The following PTPRD variants were observed in gnomAD, a reference collection of about 807,000 sequenced individuals.
PTPRD encodes the protein receptor-type tyrosine-protein phosphatase delta.
Under a neutral mutation model 214.5 loss-of-function variants are expected in PTPRD, and 34 were observed. The ratio of observed to expected loss-of-function variants is 0.16; its 90% CI spans 0.12 to 0.21. PTPRD has a LOEUF of 0.21. PTPRD is among the 10% of genes least tolerant of loss of function. The pLI is 1.00. For missense variants in PTPRD, 2,545 were observed against 2,398.7 expected, an observed-to-expected ratio of 1.06 and a Z score of -1.27; for synonymous variants, 1,128 against 845.7, an observed-to-expected ratio of 1.33 and a Z score of -5.79.
intron 12 of PTPRD, among the ~76,000 whole-genome samples, chr9:8,726,049 AC>A (rs2098553933): frequency 6.6e-6 from 1 of 152,016 alleles, no homozygotes; most frequent in African/African-American, 2.4e-5. Context: ...ACACACACAC[AC>A]ACACACACAC....
At chr9:8,981,131 T>C (rs1173886800) in intron 11 of PTPRD, among the ~76,000 whole-genome samples, 1 of 152,092 alleles carries the variant, frequency 6.6e-6, no homozygotes, top group East Asian at 1.9e-4. Flanking sequence ...GATCTAATAT[T>C]GGGGTTATTT....
chr9:10,501,992 T>A (rs1379288454), intron 2 of PTPRD, among the ~76,000 whole-genome samples: 2 of 151,942 alleles, frequency 1.3e-5, no homozygotes. Context: ...CAGGAGATTC[T>A]AGTGTACAGA....
At chr9:10,522,250 C>T (rs1409825043) in intron 2 of PTPRD, among the ~76,000 whole-genome samples, 3 of 152,076 alleles carry the variant, frequency 2.0e-5, no homozygotes, top group Admixed American at 6.6e-5. Flanking sequence ...TAAACTAATG[C>T]CAGGGCCAAT....
At chr9:8,793,377 C>A (rs2154513354) in intron 11 of PTPRD, among the ~76,000 whole-genome samples, 1 of 152,292 alleles carries the variant, frequency 6.6e-6, no homozygotes, top group African/African-American at 2.4e-5. Context: ...AACAAACTTC[C>A]ATCTTGGAAA....
chr9:8,975,189 G>C (rs1789662160), intron 11 of PTPRD, among the ~76,000 whole-genome samples: 1 of 151,130 alleles, frequency 6.6e-6, no homozygotes. Context: ...ATATATTCTT[G>C]TGTGTAAATA....
At chr9:10,602,297 T>A (rs2078181947) in intron 2 of PTPRD, among the ~76,000 whole-genome samples, 1 of 151,858 alleles carries the variant, frequency 6.6e-6, no homozygotes, top group Non-Finnish European at 1.5e-5. Context: ...TAATTTCATA[T>A]AACAAAGACG....
chr9:9,888,750 T>C (rs2071989019), intron 5 of PTPRD, among the ~76,000 whole-genome samples: 1 of 152,086 alleles, frequency 6.6e-6, no homozygotes, highest in Non-Finnish European at 1.5e-5. Context: ...CTCTTTTCTT[T>C]GTAAATTGCC....
chr9:8,332,215 G>A (rs912087821), intron 43 of PTPRD, among the ~76,000 whole-genome samples: 2 of 152,108 alleles, frequency 1.3e-5, no homozygotes, highest in Non-Finnish European at 2.9e-5. Context: ...AGCTTTTGCA[G>A]TTGTCGCAAT....
chr9:9,973,555 C>T (rs1305493916), intron 4 of PTPRD, among the ~76,000 whole-genome samples: 1 of 152,028 alleles, frequency 6.6e-6, no homozygotes, highest in Non-Finnish European at 1.5e-5. Flanking sequence ...GCCTTAATTC[C>T]TCACTCACTT....
At chr9:9,529,809 T>C (rs1347164243) in intron 8 of PTPRD, among the ~76,000 whole-genome samples, 1 of 151,666 alleles carries the variant, frequency 6.6e-6, no homozygotes, top group East Asian at 1.9e-4. Context: ...TAAATATATT[T>C]ACATGCAAAC....
intron 8 of PTPRD, among the ~76,000 whole-genome samples, chr9:9,480,681 T>A (rs1034695357): frequency 2.0e-5 from 3 of 152,166 alleles, no homozygotes; most frequent in African/African-American, 7.2e-5. Flanking sequence ...ATATATACCA[T>A]ATATTTTTTA....
chr9:9,963,354 G>A (rs1416285863), intron 4 of PTPRD, among the ~76,000 whole-genome samples: 2 of 152,130 alleles, frequency 1.3e-5, no homozygotes, highest in Non-Finnish European at 2.9e-5. Flanking sequence ...CCCATTAACA[G>A]CAATGGGAAT....
intron 14 of PTPRD, among the ~76,000 whole-genome samples, chr9:8,561,824 A>G (rs2086503978): frequency 6.6e-6 from 1 of 151,632 alleles, no homozygotes; most frequent in Non-Finnish European, 1.5e-5. Context: ...TGAGATGTCC[A>G]AATATACATA....
chr9:10,258,304 T>G (rs542157124), intron 3 of PTPRD, among the ~76,000 whole-genome samples: 1 of 152,280 alleles, frequency 6.6e-6, no homozygotes, highest in South Asian at 2.1e-4. Flanking sequence ...TCATGGGAGC[T>G]GAGGGCTTTT....
intron 11 of PTPRD, among the ~76,000 whole-genome samples, chr9:8,900,092 T>G (rs982923758): frequency 6.6e-6 from 1 of 152,214 alleles, no homozygotes; most frequent in Non-Finnish European, 1.5e-5. Flanking sequence ...ACTATTCTAT[T>G]CAACGACTGT....
intron 3 of PTPRD, among the ~76,000 whole-genome samples, chr9:10,302,271 A>G (rs1565151361): frequency 6.6e-6 from 1 of 152,190 alleles, no homozygotes. Context: ...AGGAAGCACT[A>G]AACATGGAAG....
intron 8 of PTPRD, among the ~76,000 whole-genome samples, chr9:9,436,475 A>C (rs1431390377): frequency 1.3e-5 from 2 of 152,204 alleles, no homozygotes; most frequent in Non-Finnish European, 2.9e-5. Context: ...GGCAAGAATT[A>C]AACTCTCCCT....
At chr9:10,199,903 GCACACA>G (rs560068727) in intron 3 of PTPRD, among the ~76,000 whole-genome samples, 27 of 149,334 alleles carry the variant, frequency 1.8e-4, no homozygotes, top group African/African-American at 2.7e-4. Flanking sequence ...GCACTCGCGC[GCACACA>G]CGCACACACA....
intron 2 of PTPRD, among the ~76,000 whole-genome samples, chr9:10,578,178 G>C (rs1030404018): frequency 6.6e-6 from 1 of 152,004 alleles, no homozygotes; most frequent in Non-Finnish European, 1.5e-5. Flanking sequence ...CCAAAGTGCT[G>C]AGATTACAGG....
Sources: gnomAD v4.1 joint callset for allele counts (sites outside exome capture counted in the v4.1 genomes callset) on GRCh38, gnomAD v4.1.1 for gene constraint, MANE v1.5 for transcripts, NCBI Gene and HGNC (gene_info 2026-07-23, HGNC 2026-07-21) for gene names.